TNS3: variants seen among roughly 807,000 people sequenced by gnomAD.
The protein encoded by TNS3 is tensin 3, also known as tensin-3.
In TNS3, 45 loss-of-function variants were observed where a neutral mutation model predicts 140.9. That is an observed-to-expected ratio of 0.32 (90% CI 0.25 to 0.41). The LOEUF is 0.41. TNS3 is among the 10% of genes least tolerant of loss of function. The pLI is 1.00. For missense variants in TNS3, 1,716 were observed against 1,906.7 expected, an observed-to-expected ratio of 0.90 and a Z score of 1.86; for synonymous variants, 815 against 788.4, an observed-to-expected ratio of 1.03 and a Z score of -0.56.
At position 47,389,178 on chromosome 7, in the gene TNS3, A is replaced by C. The variant is rs1423446368; in HGVS notation, c.1024+7622T>G. ...GAAGCAGAAGAAGCAGCAGAAGCAGAAGAAGCAGAAGAAGAAGAAGAAGAA... is the reference window on the plus strand; with the variant it reads ...GAAGCAGAAGAAGCAGCAGAAGCAGCAGAAGCAGAAGAAGAAGAAGAAGAA... On this transcript the variant is annotated intron_variant, in intron 16 of 30. Transcript: ENST00000311160. Among the ~76,000 whole-genome samples the C allele has an allele frequency of 8.1e-4, 16 of 19,686 alleles. 1 individual carries two copies. Among genetic ancestry groups the C allele is most frequent in the South Asian group, 4.7e-3 (2 of 424 alleles). 12.9% of individuals were successfully genotyped at this position (19,686 alleles called of 152,430 possible). A position where few individuals can be genotyped will look rare whatever the true frequency, so the allele number is the denominator to read the frequency against.
At chr7:47,460,419 C>T (rs751598462) in intron 4 of TNS3, among the ~76,000 whole-genome samples, 4 of 152,130 alleles carry the variant, frequency 2.6e-5, no homozygotes, top group Non-Finnish European at 5.9e-5. Flanking sequence ...GCAGCTGCCC[C>T]GCACGGTGGT....
chr7:47,436,441 G>A (rs916953345), intron 7 of TNS3, among the ~76,000 whole-genome samples: 1 of 151,954 alleles, frequency 6.6e-6, no homozygotes, highest in Non-Finnish European at 1.5e-5. Context: ...AAGGGTGAGG[G>A]GCAAGGGGAA....
chr7:47,557,946 G>A (rs1450381357), intron 1 of TNS3, among the ~76,000 whole-genome samples: 1 of 152,200 alleles, frequency 6.6e-6, no homozygotes, highest in African/African-American at 2.4e-5. Context: ...CTGCGTAGAA[G>A]GCCTGCGGTG....
chr7:47,432,066 T>A (rs1016381294), intron 8 of TNS3, among the ~76,000 whole-genome samples: 1 of 152,174 alleles, frequency 6.6e-6, no homozygotes, highest in Non-Finnish European at 1.5e-5. Context: ...CCTGATCACT[T>A]AACTGATGAA....
chr7:47,445,420 A>C (rs568082942), intron 4 of TNS3, among the ~76,000 whole-genome samples: 6 of 152,306 alleles, frequency 3.9e-5, no homozygotes, highest in Non-Finnish European at 5.9e-5. Flanking sequence ...TTGGAATCCC[A>C]CAGTTAAGCT....
chr7:47,445,109 A>G (rs1435758564), intron 4 of TNS3, among the ~76,000 whole-genome samples: 1 of 152,152 alleles, frequency 6.6e-6, no homozygotes, highest in Non-Finnish European at 1.5e-5. Flanking sequence ...CTTAAAATCG[A>G]GGCGAGAAAC....
Position 47,369,404 on chromosome 7 carries a change from C to A in TNS3, c.1242G>T (p.Arg414Ser), listed in dbSNP as rs1208057975. 6.2e-7 allele frequency: 1 copy of A among 1,614,100 alleles called. No individual in the cohort carries two copies. The highest frequency in any genetic ancestry group is 8.5e-7 in the Non-Finnish European group (1 of 1,179,978). ...KTEERLAPGT[R>S]RGLSAQEKAE... ...CCTTCTCCTGGGCACTCAGGCCCCT[C>A]CTGGTTCCTGGGGCCAGGCGCTCTT... The change falls in exon 17 of 31, where the codon AGG becomes AGT. Residue 414 changes from arginine (R) to serine (S), a missense_variant. Coordinates refer to ENST00000311160, the MANE Select transcript of TNS3 (RefSeq NM_022748.12).
intron 1 of TNS3, chr7:47,539,433 C>A (rs334504): frequency 2.8e-5 from 9 of 316,096 alleles, no homozygotes; most frequent in Non-Finnish European, 5.0e-5. Context: ...GTGCTCAATC[C>A]TAAGGCGAAT....
intron 16 of TNS3, among the ~76,000 whole-genome samples, chr7:47,387,814 G>A (rs1317792356): frequency 6.6e-6 from 1 of 152,238 alleles, no homozygotes; most frequent in African/African-American, 2.4e-5. Flanking sequence ...AGATGGTGAG[G>A]ATGACCCTGT....
intron 20 of TNS3, among the ~76,000 whole-genome samples, chr7:47,340,588 T>TTTTTTTTTC (rs1788951791): frequency 6.8e-6 from 1 of 146,576 alleles, no homozygotes; most frequent in Non-Finnish European, 1.5e-5. Context: ...TTTTTTTCTT[T>TTTTTTTTTC]TTTTTTTTTT....
chr7:47,534,058 G>T (rs957837117), intron 1 of TNS3, among the ~76,000 whole-genome samples: 28 of 152,198 alleles, frequency 1.8e-4, no homozygotes, highest in African/African-American at 6.7e-4. Flanking sequence ...TTGATCACCT[G>T]AGCTCAGGAG....
chr7:47,353,311 G>A (rs900526918), intron 17 of TNS3, among the ~76,000 whole-genome samples: 1 of 152,178 alleles, frequency 6.6e-6, no homozygotes, highest in Non-Finnish European at 1.5e-5. Context: ...GGTGAGGGGT[G>A]AACAGGTGAG....
At chr7:47,338,657 A>G (rs2150958733) in intron 20 of TNS3, among the ~76,000 whole-genome samples, 1 of 152,298 alleles carries the variant, frequency 6.6e-6, no homozygotes, top group African/African-American at 2.4e-5. Flanking sequence ...ATGTTGTTGC[A>G]AAGGACATGA....
chr7:47,435,115 C>CTT (rs3830617), intron 8 of TNS3, among the ~76,000 whole-genome samples, 167 bp downstream of exon 8: 61,262 of 151,992 alleles, frequency 0.4, 12,493 homozygotes, highest in Non-Finnish European at 0.42. Flanking sequence ...TGTGATAACT[C>CTT]TGTTTCCTTC....
intron 1 of TNS3, among the ~76,000 whole-genome samples, chr7:47,553,638 C>T (rs1051128143): frequency 2.0e-5 from 3 of 152,168 alleles, no homozygotes; most frequent in Non-Finnish European, 2.9e-5. Context: ...AAAAGAGATT[C>T]GTTTCAAAAT....
chr7:47,470,434 C>T (rs1796903726), intron 4 of TNS3: 1 of 984,644 alleles, frequency 1.0e-6, no homozygotes, highest in South Asian at 4.7e-5. Context: ...AAAAGAAATC[C>T]CACTCAACCT....
At chr7:47,391,784 C>A (rs752018758) in intron 16 of TNS3, among the ~76,000 whole-genome samples, 2 of 152,156 alleles carry the variant, frequency 1.3e-5, no homozygotes, top group Non-Finnish European at 2.9e-5. Context: ...GTACATCCTG[C>A]TAGGGTAAGA....
Position 47,292,888 on chromosome 7 carries a change from C to G in TNS3, c.3790G>C (p.Val1264Leu). ...AAGGGCGTGATGGAATGCTGGCACA[C>G]CAAGGCCGTCAGGCTCCCTGCAAAG... ...EPYFGSLTAL[V>L]CQHSITPLAL... Residue 1264 changes from valine to leucine, a missense_variant, in exon 26 of 31, where the codon GTG becomes CTG. Transcript: ENST00000311160. 6.2e-7 allele frequency: 1 copy of G among 1,614,118 alleles called. No homozygotes were observed. Among genetic ancestry groups the G allele is most frequent in the Non-Finnish European group, 8.5e-7 (1 of 1,180,010 alleles).
chr7:47,390,478 A>C (rs1030586158), intron 16 of TNS3, among the ~76,000 whole-genome samples: 1 of 152,182 alleles, frequency 6.6e-6, no homozygotes, highest in African/African-American at 2.4e-5. Context: ...AAGGCTGCAG[A>C]CAAATGTGAA....
Sources: gnomAD v4.1 joint callset for allele counts (sites outside exome capture counted in the v4.1 genomes callset) on GRCh38, gnomAD v4.1.1 for gene constraint, MANE v1.5 for transcripts, NCBI Gene and HGNC (gene_info 2026-07-23, HGNC 2026-07-21) for gene names.